The following ATP13A2 variants were observed in gnomAD, a reference collection of about 807,000 sequenced individuals.
ATP13A2 encodes polyamine-transporting ATPase 13A2.
A neutral mutation model predicts 138.3 loss-of-function variants in ATP13A2; 83 were observed. That is an observed-to-expected ratio of 0.60 (90% CI 0.50 to 0.72). The LOEUF (loss-of-function observed/expected upper bound fraction) is 0.72, where lower values mean the gene tolerates loss of function less well. Ranked by LOEUF, ATP13A2 falls within the 30% of genes least tolerant of loss-of-function variation. The pLI is 0.00. For missense variants in ATP13A2, 1,402 were observed against 1,606.4 expected (o/e 0.87, Z 2.17); for synonymous variants, 663 against 699.0 (o/e 0.95, Z 0.81).
chr1:16,986,452 G>A lies in ATP13A2; in HGVS notation c.3405+11C>T. The A allele has an allele frequency of 1.2e-6, 2 of 1,611,436 alleles. No individual in the cohort carries two copies. The highest frequency in any genetic ancestry group is 2.2e-5 in the South Asian group (2 of 91,066). ...TTCTCTCCCGCTGCTGAGACCCAGGGCGGGCCCCACCTCCAGCATGAAGGC... is the reference window on the plus strand; with the variant it reads ...TTCTCTCCCGCTGCTGAGACCCAGGACGGGCCCCACCTCCAGCATGAAGGC... On this transcript the variant is annotated intron_variant, in intron 28 of 28. Coordinates refer to ENST00000326735, the MANE Select transcript of ATP13A2 (RefSeq NM_022089.4). The surrounding 1 kb of genome is among the most constrained non-coding windows in gnomAD (Gnocchi z 6.9).
Position 16,996,368 on chromosome 1 carries a change from G to A in ATP13A2, c.1306+18C>T, listed in dbSNP as rs757167820. On this transcript the variant is annotated intron_variant, in intron 13 of 28. Coordinates refer to ENST00000326735, the MANE Select transcript of ATP13A2 (RefSeq NM_022089.4). The stretch of plus-strand genomic sequence containing the variant: ...TGGGGGGGGCTATGGGCAGAGGAGG[G>A]TGCAGGGGGCCACTCACCCAGGACA... The A allele has an allele frequency of 1.9e-6, 3 of 1,613,716 alleles. No individual in the cohort carries two copies. The highest frequency in any genetic ancestry group is 2.5e-6 in the Non-Finnish European group (3 of 1,179,684).
At position 17,005,525 on chromosome 1, in the gene ATP13A2, C is replaced by A; in HGVS notation, c.137G>T (p.Arg46Met). The change falls in exon 3 of 29, where the codon AGG becomes ATG. Residue 46 changes from arginine to methionine, a missense_variant. Coordinates refer to ENST00000326735, the MANE Select transcript of ATP13A2 (RefSeq NM_022089.4). ...GACCACGACGTGATAGCCGATGACC[C>A]TCCATGGACTGCCACAGTAGCCGCT... ...RLSGYCGSPW[R>M]VIGYHVVVWM... The A allele has an allele frequency of 6.2e-7, 1 of 1,614,234 alleles. No homozygotes were observed. Among genetic ancestry groups the A allele is most frequent in the Middle Eastern group, 1.6e-4 (1 of 6,062 alleles).
chr1:17,010,856 C>T (rs1241070987), intron 1 of ATP13A2, among the ~76,000 whole-genome samples: 2 of 152,156 alleles, frequency 1.3e-5, no homozygotes, highest in Non-Finnish European at 2.9e-5. Flanking sequence ...GGCAGCGGCC[C>T]AGGGCGGCTG....
intron 8 of ATP13A2, 153 bp from the exon 9 acceptor site, chr1:17,000,687 A>C: frequency 1.0e-6 from 1 of 978,412 alleles, no homozygotes; most frequent in East Asian, 2.6e-5. Context: ...TCCCCACCCA[A>C]CCAGACATCC....
intron 8 of ATP13A2, 148 bp from the exon 9 acceptor site, chr1:17,000,682 ACC>A: frequency 9.9e-7 from 1 of 1,008,290 alleles, no homozygotes; most frequent in Non-Finnish European, 1.4e-6. Context: ...TCCCATCCCC[ACC>A]CAACCAGACA....
rs976061203 is a variant in ATP13A2, at chr1:16,986,793, C to T, written c.3235+12G>A. ...CTCCGCCAGCATCTCCCGCCCGCGC[C>T]CGCAGTGGCACCATTGGTGTAGAGC... On this transcript the variant is annotated intron_variant, in intron 27 of 28. Transcript: ENST00000326735. The surrounding 1 kb of genome is among the most constrained non-coding windows in gnomAD (Gnocchi z 6.9). 25 of 1,611,608 alleles carry T rather than the reference C, an allele frequency of 1.6e-5. No homozygotes were observed. The highest frequency in any genetic ancestry group is 1.7e-6 in the Non-Finnish European group (2 of 1,179,400).
At position 16,995,199 on chromosome 1, in the gene ATP13A2, G is replaced by A. The variant is rs1354440400; in HGVS notation, c.1542+777C>T. On this transcript the variant is annotated intron_variant, in intron 15 of 28. Coordinates refer to ENST00000326735, the MANE Select transcript of ATP13A2 (RefSeq NM_022089.4). The surrounding 1 kb of genome is among the most constrained non-coding windows in gnomAD (Gnocchi z 4.1). ...CGACCTGCCCCTCACTGAGGTCACT[G>A]AGGGACCTGCTCAGGGGGCTTCCTT... is the stretch of plus-strand genomic sequence containing the variant. 2.0e-5 allele frequency among the ~76,000 whole-genome samples: 3 copies of A among 152,286 alleles called. 1 individual carries two copies. In the East Asian group the frequency reaches 5.8e-4, roughly 30 times the overall value.
intron 16 of ATP13A2, among the ~76,000 whole-genome samples, chr1:16,992,901 G>A (rs1374445978): frequency 6.6e-6 from 1 of 152,222 alleles, no homozygotes; most frequent in East Asian, 1.9e-4. Context: ...TCAGCCTGAG[G>A]CCTTGCCATT....
intron 14 of ATP13A2, 42 bp from the exon 15 acceptor site, chr1:16,996,206 C>A (rs373479398): frequency 6.2e-7 from 1 of 1,614,024 alleles, no homozygotes; most frequent in Non-Finnish European, 8.5e-7. Context: ...GGCTGGTTGG[C>A]CCCTGGGCCC....
rs2077477740 is a variant in ATP13A2 at position 17,004,504 on chromosome 1, G to A, written c.478-93C>T. On this transcript the variant is annotated intron_variant, in intron 5 of 28. Transcript: ENST00000326735. The surrounding 1 kb of genome is among the most constrained non-coding windows in gnomAD (Gnocchi z 4.1). ...GGGAGCCGAGGGATGGGGGTAGGGG[G>A]CAGGGACTGGTGTCACCAGACAGAG... is the stretch of plus-strand genomic sequence containing the variant. The A allele has an allele frequency of 7.8e-6, 12 of 1,538,870 alleles. No individual in the cohort carries two copies. Among genetic ancestry groups the A allele is most frequent in the African/African-American group, 1.4e-5 (1 of 73,152 alleles).
In ATP13A2 at chr1:17,005,410, G is replaced by C. The variant is rs554944790; in HGVS notation, c.252C>G (p.His84Gln). Residue 84 changes from histidine to glutamine, a missense_variant, in exon 3 of 29, where the codon CAC becomes CAG. Transcript: ENST00000326735. ...RLRLRPCNLAHAETLVIEIRD... is the reference protein window; with the variant it reads ...RLRLRPCNLAQAETLVIEIRD... ...TTATTTCGATAACGAGTGTTTCGGCGTGGGCCAGGTTGCAGGGCCGGAGCC... is the reference window on the plus strand; with the variant it reads ...TTATTTCGATAACGAGTGTTTCGGCCTGGGCCAGGTTGCAGGGCCGGAGCC... The C allele has an allele frequency of 1.9e-6, 3 of 1,611,876 alleles. No homozygotes were observed. The highest frequency in any genetic ancestry group is 3.4e-5 in the Admixed American group (2 of 59,504).
At position 17,002,358 on chromosome 1, in the gene ATP13A2, G is replaced by A; in HGVS notation, c.573C>T (p.Gly191=). Residue 191 remains glycine, a synonymous_variant, in exon 7 of 29, where the codon GGC becomes GGT. Transcript: ENST00000326735. ...AGCGGTGGACGTCGTCACAAGAGCG[G>A]CCATGGTCCAGGAGGCTGGGGGTGG... The part of the protein sequence containing the change: ...AFYQVSLLDH[G]RSCDDVHRSR... 1 of 1,613,144 alleles carries A rather than the reference G, an allele frequency of 6.2e-7. No individual in the cohort carries two copies. The highest frequency in any genetic ancestry group is 1.1e-5 in the South Asian group (1 of 90,884).
At position 17,000,047 on chromosome 1, in the gene ATP13A2, C is replaced by G. The variant is rs778596653; in HGVS notation, c.1003G>C (p.Ala335Pro). ...CTCTCATTCACCATGCACTCGCCGG[C>G]CACCAGGGCGGCATCACAGGGCATC... Reference protein sequence around the residue: ...GLMPCDAALVAGECMVNESSL... With the variant: ...GLMPCDAALVPGECMVNESSL... Residue 335 changes from alanine (A) to proline (P), a missense_variant, in exon 11 of 29, where the codon GCC (alanine) becomes CCC (proline). Ala to Pro is a conservative substitution (Grantham distance 27, BLOSUM62 -1). Transcript: ENST00000326735. 6.2e-7 allele frequency: 1 copy of G among 1,612,790 alleles called. No homozygotes were observed. The highest frequency in any genetic ancestry group is 1.1e-5 in the South Asian group (1 of 90,968).
At chr1:17,005,661 C>T in intron 2 of ATP13A2, 23 bp downstream of exon 2, 6 of 1,613,480 alleles carry the variant, frequency 3.7e-6, no homozygotes, top group Admixed American at 1.7e-5. Context: ...GCAGCTTTTC[C>T]CCACCCCACT....
Position 17,004,522 on chromosome 1 carries a change from A to G in ATP13A2, c.478-111T>C. 6.5e-7 allele frequency: 1 copy of G among 1,534,180 alleles called. No individual in the cohort carries two copies. Among genetic ancestry groups the G allele is most frequent in the Non-Finnish European group, 8.9e-7 (1 of 1,119,808 alleles). On this transcript the variant is annotated intron_variant, in intron 5 of 28. Coordinates refer to ENST00000326735, the MANE Select transcript of ATP13A2 (RefSeq NM_022089.4). The surrounding 1 kb of genome is among the most constrained non-coding windows in gnomAD (Gnocchi z 4.1). Reference sequence around the variant, plus strand: ...GTAGGGGGCAGGGACTGGTGTCACCAGACAGAGAGGTGGGGAGAGGCCTGA... The same window carrying G: ...GTAGGGGGCAGGGACTGGTGTCACCGGACAGAGAGGTGGGGAGAGGCCTGA...
Position 17,005,321 on chromosome 1 carries a change from CGACCCT to C in ATP13A2, c.288+47_288+52del. The C allele has an allele frequency of 1.9e-6, 3 of 1,554,830 alleles. No homozygotes were observed. The South Asian group carries it at 3.5e-5, about 18-fold the overall frequency. Reference sequence around the variant, plus strand: ...TTGGCACCCAAGCATCCTCCACCCCCGACCCTGACCCTCACTGCGCTTCTCTAGCCC... The same window carrying C: ...TTGGCACCCAAGCATCCTCCACCCCCGACCCTCACTGCGCTTCTCTAGCCC... On this transcript the variant is annotated intron_variant, in intron 3 of 28. Coordinates refer to ENST00000326735, the MANE Select transcript of ATP13A2 (RefSeq NM_022089.4).
Position 16,991,807 on chromosome 1 carries a change from G to C in ATP13A2, c.2178C>G (p.Asn726Lys), listed in dbSNP as rs1179611189. 2 of 1,614,170 alleles carry C rather than the reference G, an allele frequency of 1.2e-6. No individual in the cohort carries two copies. The highest frequency in any genetic ancestry group is 3.3e-5 in the Admixed American group (2 of 60,034). The stretch of plus-strand genomic sequence containing the variant: ...CTGGCGTTGTCTGCGGCTTCAGTAG[G>C]TTCCTCATGACCAGCAGCCCCAGGA... ...LSLLGLLVMR[N>K]LLKPQTTPVI... is the part of the protein sequence containing the mutation. The change falls in exon 20 of 29, where the codon AAC (asparagine) becomes AAG (lysine). Residue 726 changes from asparagine to lysine, a missense_variant. Physicochemically the swap from Asn to Lys is moderately conservative, Grantham distance 94 (BLOSUM62 0). Transcript: ENST00000326735.
rs553456501 is a variant in ATP13A2 at position 16,997,298 on chromosome 1, C to T, written c.1040-123G>A. ...AGTTAACTCTGTAACCAGGTGTGAACAAGAAATCACAGCCCCATTTTACAG... is the reference window on the plus strand; with the variant it reads ...AGTTAACTCTGTAACCAGGTGTGAATAAGAAATCACAGCCCCATTTTACAG... On this transcript the variant is annotated intron_variant, in intron 11 of 28. Transcript: ENST00000326735. 3.4e-5 allele frequency: 39 copies of T among 1,157,842 alleles called. No homozygotes were observed. In the African/African-American group the frequency reaches 5.6e-4, roughly 17 times the overall value. 71.7% of individuals were successfully genotyped at this position (1,157,842 alleles called of 1,614,324 possible).
At chr1:17,008,490 G>C (rs531005544) in intron 1 of ATP13A2, among the ~76,000 whole-genome samples, 7 of 152,274 alleles carry the variant, frequency 4.6e-5, no homozygotes, top group East Asian at 1.9e-4. Flanking sequence ...GAAGTTCCTG[G>C]GGGGGTTGCG....
Sources: gnomAD v4.1 joint callset for allele counts (sites outside exome capture counted in the v4.1 genomes callset) on GRCh38, gnomAD v4.1.1 for gene constraint, Gnocchi (gnomAD v3.1) non-coding constraint, MANE v1.5 for transcripts, NCBI Gene and HGNC (gene_info 2026-07-23, HGNC 2026-07-21) for gene names.